The following TNR variants were observed in gnomAD, a reference collection of about 807,000 sequenced individuals.
TNR encodes tenascin-R.
TNR carries 45 observed loss-of-function variants against 150.4 expected under a neutral mutation model. The observed-to-expected ratio is 0.30, with a 90% CI of 0.24 to 0.38. TNR has a LOEUF of 0.38. Ranked by LOEUF, TNR falls within the 10% of genes least tolerant of loss-of-function variation. The pLI, the probability that TNR is intolerant of heterozygous loss-of-function variation, is 1.00. For synonymous variants in TNR, 687 were observed against 678.4 expected (o/e 1.01, Z -0.20); for missense variants, 1,544 against 1,759.1 (o/e 0.88, Z 2.19).
chr1:175,610,793 T>C (rs1239935872), intron 1 of TNR, among the ~76,000 whole-genome samples: 1 of 152,238 alleles, frequency 6.6e-6, no homozygotes, highest in East Asian at 1.9e-4. Flanking sequence ...TGTTCTTCGA[T>C]TTGACACACA....
rs150832930 is a variant in TNR, at chr1:175,390,406, G to T, written c.1507+882C>A. Among the ~76,000 whole-genome samples, 345 of 152,286 alleles carry T rather than the reference G, an allele frequency of 2.3e-3. 2 individuals are homozygous for T. The highest frequency in any genetic ancestry group is 7.9e-3 in the African/African-American group (328 of 41,546). ...ACAGAGAAAGTTGCTTAGCCTCTGA[G>T]TTTCAGCTCCATCAACAATAAAATG... is the stretch of plus-strand genomic sequence containing the variant. On this transcript the variant is annotated intron_variant, in intron 7 of 22. Transcript: ENST00000367674.
At position 175,489,150 on chromosome 1, in the gene TNR, C is replaced by T. The variant is rs150203254; in HGVS notation, c.-64+39119G>A. Among the ~76,000 whole-genome samples the T allele has an allele frequency of 3.0e-3, 459 of 152,260 alleles. 2 individuals carry two copies. Among genetic ancestry groups the T allele is most frequent in the African/African-American group, 0.01 (432 of 41,550 alleles). Reference sequence around the variant, plus strand: ...TATCCCCGCTGAATATGTGGGCAAACGAAGCCTCCCTCCAAAAACTTAACA... The same window carrying T: ...TATCCCCGCTGAATATGTGGGCAAATGAAGCCTCCCTCCAAAAACTTAACA... On this transcript the variant is annotated intron_variant, in intron 2 of 22. Transcript: ENST00000367674.
At chr1:175,740,177 C>T (rs988292772) in intron 1 of TNR, among the ~76,000 whole-genome samples, 2 of 152,204 alleles carry the variant, frequency 1.3e-5, no homozygotes, top group African/African-American at 4.8e-5. Flanking sequence ...CTAGGGTTTA[C>T]ATACCACATC....
chr1:175,633,529 G>A (rs1664398724), intron 1 of TNR, among the ~76,000 whole-genome samples: 2 of 152,074 alleles, frequency 1.3e-5, no homozygotes, highest in Admixed American at 1.3e-4. Flanking sequence ...AATAGAAATG[G>A]CTTTCAAGGT....
At chr1:175,626,396 G>C (rs769722954) in intron 1 of TNR, among the ~76,000 whole-genome samples, 11 of 152,074 alleles carry the variant, frequency 7.2e-5, no homozygotes, top group Non-Finnish European at 1.2e-4. Flanking sequence ...CCCACCTCCA[G>C]CTCTCTTTCT....
intron 1 of TNR, among the ~76,000 whole-genome samples, chr1:175,560,673 A>T (rs960377193): frequency 6.6e-6 from 1 of 152,256 alleles, no homozygotes; most frequent in Non-Finnish European, 1.5e-5. Flanking sequence ...ATCAGTATCA[A>T]ATCCAGCAGG....
At chr1:175,521,252 C>T (rs1571555707) in intron 2 of TNR, among the ~76,000 whole-genome samples, 1 of 152,162 alleles carries the variant, frequency 6.6e-6, no homozygotes, top group Non-Finnish European at 1.5e-5. Context: ...ACAGAGCCTC[C>T]TAGAACCTCC....
chr1:175,348,115 C>A (rs1218822373), intron 18 of TNR, among the ~76,000 whole-genome samples: 1 of 151,986 alleles, frequency 6.6e-6, no homozygotes, highest in Admixed American at 6.5e-5. Flanking sequence ...TTGGTAATAA[C>A]CAACTAGAAA....
At chr1:175,571,131 C>G (rs1661849556) in intron 1 of TNR, among the ~76,000 whole-genome samples, 1 of 152,172 alleles carries the variant, frequency 6.6e-6, no homozygotes, top group South Asian at 2.1e-4. Flanking sequence ...AACTAAACAC[C>G]TTTGTCCGCA....
intron 2 of TNR, among the ~76,000 whole-genome samples, chr1:175,472,760 G>C (rs983619739): frequency 6.6e-6 from 1 of 152,188 alleles, no homozygotes; most frequent in Non-Finnish European, 1.5e-5. Flanking sequence ...AGGAAGGAGG[G>C]TATGTAGTCA....
At chr1:175,339,486 G>A (rs1202749690) in intron 18 of TNR, among the ~76,000 whole-genome samples, 1 of 152,152 alleles carries the variant, frequency 6.6e-6, no homozygotes, top group Non-Finnish European at 1.5e-5. Flanking sequence ...TACATTTCAG[G>A]AGACAGGTGT....
chr1:175,498,722 G>A (rs1465265938), intron 2 of TNR, among the ~76,000 whole-genome samples: 1 of 152,198 alleles, frequency 6.6e-6, no homozygotes, highest in African/African-American at 2.4e-5. Context: ...ACATGCTGGA[G>A]AGCTGGCAGA....
intron 20 of TNR, among the ~76,000 whole-genome samples, chr1:175,331,097 C>CTT (rs1312294490): frequency 7.6e-6 from 1 of 131,746 alleles, no homozygotes; most frequent in African/African-American, 3.0e-5. Flanking sequence ...TTCTTTCTTT[C>CTT]TTTCTCTCTC....
chr1:175,471,322 C>T (rs538717315), intron 2 of TNR, among the ~76,000 whole-genome samples: 31 of 152,092 alleles, frequency 2.0e-4, no homozygotes, highest in Non-Finnish European at 3.8e-4. Context: ...TACAGTCACG[C>T]GTTGTTTAAC....
intron 1 of TNR, among the ~76,000 whole-genome samples, chr1:175,550,775 A>G (rs1414965868): frequency 2.6e-5 from 4 of 151,970 alleles, no homozygotes; most frequent in African/African-American, 9.7e-5. Flanking sequence ...TGCAGGGAAC[A>G]GGAAAAAAAA....
intron 1 of TNR, among the ~76,000 whole-genome samples, chr1:175,716,553 T>G (rs1367278219): frequency 6.6e-6 from 1 of 152,218 alleles, no homozygotes. Flanking sequence ...ATTCAGATCC[T>G]GTTGATGTTG....
intron 1 of TNR, among the ~76,000 whole-genome samples, chr1:175,711,288 G>A (rs1667007036): frequency 6.6e-6 from 1 of 152,118 alleles, no homozygotes; most frequent in Non-Finnish European, 1.5e-5. Flanking sequence ...CAAGACTTGG[G>A]GAGATGAGGG....
At chr1:175,355,943 T>G (rs1030009924) in intron 16 of TNR, among the ~76,000 whole-genome samples, 1 of 152,222 alleles carries the variant, frequency 6.6e-6, no homozygotes, top group African/African-American at 2.4e-5. Context: ...GCTTGTTCAC[T>G]CGTGAACTTA....
At chr1:175,453,040 G>C (rs369183612) in intron 2 of TNR, among the ~76,000 whole-genome samples, 2 of 152,130 alleles carry the variant, frequency 1.3e-5, no homozygotes, top group African/African-American at 4.8e-5. Context: ...GGTGGTCACG[G>C]TGGTACAACA....
Sources: gnomAD v4.1 joint callset for allele counts (sites outside exome capture counted in the v4.1 genomes callset) on GRCh38, gnomAD v4.1.1 for gene constraint, MANE v1.5 for transcripts, NCBI Gene and HGNC (gene_info 2026-07-23, HGNC 2026-07-21) for gene names.